TPD52L1: variants seen among roughly 807,000 people sequenced by gnomAD.
TPD52L1 encodes the protein tumor protein D53.
A neutral mutation model predicts 28.7 loss-of-function variants in TPD52L1; 18 were observed. The ratio of observed to expected loss-of-function variants is 0.63; its 90% CI spans 0.43 to 0.93. TPD52L1 has a LOEUF of 0.93. Among genes scored for constraint, TPD52L1 ranks in the 40% least tolerant of loss-of-function variants. TPD52L1 has a pLI of 0.00. For synonymous variants in TPD52L1, 75 were observed against 88.8 expected (o/e 0.84, Z 0.88); for missense variants, 203 against 254.8 (o/e 0.80, Z 1.39).
At chr6:125,170,830 T>C (rs1475219527) in intron 1 of TPD52L1, among the ~76,000 whole-genome samples, 2 of 152,162 alleles carry the variant, frequency 1.3e-5, no homozygotes, top group East Asian at 1.9e-4. Context: ...TGAGCCTTTG[T>C]TTAGAGTGAG....
At chr6:125,250,521 G>A (rs905695413) in intron 4 of TPD52L1, among the ~76,000 whole-genome samples, 1 of 152,200 alleles carries the variant, frequency 6.6e-6, no homozygotes, top group African/African-American at 2.4e-5. Flanking sequence ...AAAAATTGCA[G>A]TTTTTTATCT....
At chr6:125,241,357 C>T (rs1231422008) in intron 3 of TPD52L1, among the ~76,000 whole-genome samples, 1 of 152,004 alleles carries the variant, frequency 6.6e-6, no homozygotes, top group Non-Finnish European at 1.5e-5. Flanking sequence ...GGAGGATTTC[C>T]TCTTTCTCTG....
chr6:125,179,395 G>A (rs1407812005), intron 1 of TPD52L1, among the ~76,000 whole-genome samples: 1 of 152,210 alleles, frequency 6.6e-6, no homozygotes, highest in Admixed American at 6.5e-5. Flanking sequence ...TTGATTGCAG[G>A]CAACTGCTCA....
At chr6:125,222,530 G>A (rs1795305893) in intron 2 of TPD52L1, among the ~76,000 whole-genome samples, 1 of 152,224 alleles carries the variant, frequency 6.6e-6, no homozygotes, top group Non-Finnish European at 1.5e-5. Flanking sequence ...GGTCTTGAGT[G>A]TGCCAGGTGT....
intron 1 of TPD52L1, among the ~76,000 whole-genome samples, chr6:125,170,401 A>AC (rs112823186): frequency 0.062 from 9,422 of 151,672 alleles, 568 homozygotes; most frequent in East Asian, 0.33. Flanking sequence ...AAAAATAGAA[A>AC]TTTTTCTCTT....
At chr6:125,189,018 T>A (rs1562248336) in intron 1 of TPD52L1, among the ~76,000 whole-genome samples, 1 of 152,234 alleles carries the variant, frequency 6.6e-6, no homozygotes, top group Non-Finnish European at 1.5e-5. Context: ...TTTTAACTGC[T>A]GTGGTAGATG....
At chr6:125,184,578 G>A (rs1454195596) in intron 1 of TPD52L1, among the ~76,000 whole-genome samples, 1 of 152,190 alleles carries the variant, frequency 6.6e-6, no homozygotes, top group East Asian at 1.9e-4. Flanking sequence ...GTATCTGGAA[G>A]GAAGAAATAG....
intron 6 of TPD52L1, among the ~76,000 whole-genome samples, chr6:125,259,221 G>C (rs1460445968): frequency 6.6e-6 from 1 of 152,102 alleles, no homozygotes; most frequent in Non-Finnish European, 1.5e-5. Context: ...CACATGCCCT[G>C]CTTTCAATTT....
At chr6:125,182,380 G>A (rs976758337) in intron 1 of TPD52L1, among the ~76,000 whole-genome samples, 9 of 152,274 alleles carry the variant, frequency 5.9e-5, no homozygotes, top group South Asian at 2.1e-4. Flanking sequence ...AGCTGGAGTC[G>A]TGAGCAAAGT....
At chr6:125,161,398 C>T (rs760744640) in intron 1 of TPD52L1, among the ~76,000 whole-genome samples, 2 of 152,176 alleles carry the variant, frequency 1.3e-5, no homozygotes, top group Non-Finnish European at 1.5e-5. Context: ...GAATAGCATG[C>T]TACGTTTCTT....
intron 1 of TPD52L1, among the ~76,000 whole-genome samples, chr6:125,205,960 C>G (rs1794103609): frequency 6.6e-6 from 1 of 152,196 alleles, no homozygotes; most frequent in African/African-American, 2.4e-5. Context: ...TTTTAATCAG[C>G]ATCTAACTAT....
At chr6:125,219,882 T>C (rs1434801705) in intron 1 of TPD52L1, 196 bp from the exon 2 acceptor site, 2 of 609,728 alleles carry the variant, frequency 3.3e-6, no homozygotes, top group African/African-American at 1.9e-5. Flanking sequence ...ATTTTTTTCT[T>C]TTTTTGGCTT....
chr6:125,215,144 ATATCTGCTTCCATGGTAAC>A (rs1794776055), intron 1 of TPD52L1, among the ~76,000 whole-genome samples: 1 of 152,148 alleles, frequency 6.6e-6, no homozygotes, highest in Non-Finnish European at 1.5e-5. Flanking sequence ...ACTTTTTCTA[ATATCTGCTTCCATGGTAAC>A]TAGGTAATTT....
chr6:125,237,130 A>G (rs757467280), intron 3 of TPD52L1, among the ~76,000 whole-genome samples: 10 of 152,164 alleles, frequency 6.6e-5, no homozygotes, highest in Non-Finnish European at 1.2e-4. Context: ...CAGACTGTGT[A>G]GGGCCATCAG....
At chr6:125,205,765 G>A (rs1290279706) in intron 1 of TPD52L1, among the ~76,000 whole-genome samples, 1 of 152,130 alleles carries the variant, frequency 6.6e-6, no homozygotes, top group Admixed American at 6.5e-5. Flanking sequence ...TGAGATTATT[G>A]TATCAATGGT....
intron 1 of TPD52L1, among the ~76,000 whole-genome samples, chr6:125,202,150 T>A (rs549653217): frequency 1.3e-5 from 2 of 152,310 alleles, no homozygotes; most frequent in South Asian, 4.2e-4. Flanking sequence ...ATTGAAGTTG[T>A]GCAAAGATTA....
chr6:125,216,192 C>T (rs899238208), intron 1 of TPD52L1, among the ~76,000 whole-genome samples: 5 of 152,150 alleles, frequency 3.3e-5, no homozygotes, highest in African/African-American at 1.2e-4. Flanking sequence ...CCTACATTCT[C>T]TTGAGTCTGT....
intron 6 of TPD52L1, chr6:125,261,943 AAG>A (rs1176317324): frequency 6.6e-6 from 1 of 152,230 alleles, no homozygotes; most frequent in Non-Finnish European, 1.5e-5. Flanking sequence ...TTATAAAGGA[AAG>A]AGATTTAATT....
intron 1 of TPD52L1, among the ~76,000 whole-genome samples, chr6:125,178,658 A>AATATATATAT (rs766185303): frequency 4.1e-5 from 6 of 147,998 alleles, no homozygotes; most frequent in African/African-American, 1.5e-4. Context: ...AACAAAACAA[A>AATATATATAT]ATATATATAT....
Sources: allele counts gnomAD v4.1 joint callset (sites outside exome capture counted in the v4.1 genomes callset), GRCh38; gene constraint gnomAD v4.1.1; transcripts MANE v1.5; gene names NCBI Gene and HGNC (gene_info 2026-07-23, HGNC 2026-07-21).